The following GRIK4 variants were observed in gnomAD, a reference collection of about 807,000 sequenced individuals.
GRIK4 encodes glutamate ionotropic receptor kainate type subunit 4.
A neutral mutation model predicts 104.9 loss-of-function variants in GRIK4; 40 were observed. The ratio of observed to expected loss-of-function variants is 0.38; its 90% CI spans 0.30 to 0.50. GRIK4 has a LOEUF of 0.50. Ranked by LOEUF, GRIK4 falls within the 20% of genes least tolerant of loss-of-function variation. The pLI is 0.93. For synonymous variants in GRIK4, 485 were observed against 524.9 expected (o/e 0.92, Z 1.04); for missense variants, 1,047 against 1,308.1 (o/e 0.80, Z 3.08).
chr11:120,620,020 G>C (rs116217890), intron 1 of GRIK4: 2 of 524,630 alleles, frequency 3.8e-6, no homozygotes, highest in Non-Finnish European at 7.1e-6. Flanking sequence ...AGCTGTTAGC[G>C]TAGTGAACCT....
At chr11:120,862,936 G>A (rs1038942900) in intron 9 of GRIK4, among the ~76,000 whole-genome samples, 7 of 152,172 alleles carry the variant, frequency 4.6e-5, no homozygotes, top group Admixed American at 2.6e-4. Context: ...AACTTCCTGA[G>A]GCAGCTACTA....
intron 3 of GRIK4, among the ~76,000 whole-genome samples, chr11:120,695,848 T>C (rs543259225): frequency 6.6e-6 from 1 of 152,288 alleles, no homozygotes; most frequent in African/African-American, 2.4e-5. Context: ...CCCAACTGAG[T>C]GCAGCCTCTG....
chr11:120,550,762 G>T (rs1220128261), intron 1 of GRIK4, among the ~76,000 whole-genome samples: 4 of 151,884 alleles, frequency 2.6e-5, no homozygotes, highest in African/African-American at 9.7e-5. Flanking sequence ...CAACAGTGAG[G>T]TGGTCACTGG....
rs1249465695 is a variant in GRIK4 at position 120,966,173 on chromosome 11, AGGAGGACT to A, written c.2267-1019_2267-1012del. Among the ~76,000 whole-genome samples, 8 of 152,250 alleles carry A rather than the reference AGGAGGACT, an allele frequency of 5.3e-5. 1 individual carries two copies. The South Asian group carries it at 1.0e-3, about 20-fold the overall frequency. On this transcript the variant is annotated intron_variant, in intron 18 of 20. Coordinates refer to ENST00000527524, the MANE Select transcript of GRIK4 (RefSeq NM_014619.5). ...AAAAAAACCTTCTTTTGAGGAGGGA[AGGAGGACT>A]GGGAGAAACAGGGTGATGGACAGGC...
intron 3 of GRIK4, among the ~76,000 whole-genome samples, chr11:120,661,057 C>T (rs561631473): frequency 6.6e-6 from 1 of 152,160 alleles, no homozygotes; most frequent in Non-Finnish European, 1.5e-5. Flanking sequence ...TGGGACTGAA[C>T]AAGACTTGTC....
At chr11:120,928,168 C>G (rs1268914084) in intron 13 of GRIK4, among the ~76,000 whole-genome samples, 1 of 149,602 alleles carries the variant, frequency 6.7e-6, no homozygotes, top group Admixed American at 6.7e-5. Context: ...GAGCCGAGAT[C>G]GCACCACTGC....
Position 120,940,960 on chromosome 11 carries a change from C to T in GRIK4, c.1590+500C>T, listed in dbSNP as rs764282397. Among the ~76,000 whole-genome samples the T allele has an allele frequency of 6.6e-6, 1 of 152,172 alleles. No individual in the cohort carries two copies. Among genetic ancestry groups the T allele is most frequent in the African/African-American group, 2.4e-5 (1 of 41,430 alleles). On this transcript the variant is annotated intron_variant, in intron 14 of 20. Coordinates refer to ENST00000527524, the MANE Select transcript of GRIK4 (RefSeq NM_014619.5). This position sits in a 1 kb window ranked among gnomAD's most constrained non-coding sequence, Gnocchi z 4.3. ...CCTGCCCTTTTCTGCATTCCATGCCCCCATCAGAAAGACTCCTCTGGCTAG... is the reference window on the plus strand; with the variant it reads ...CCTGCCCTTTTCTGCATTCCATGCCTCCATCAGAAAGACTCCTCTGGCTAG...
intron 3 of GRIK4, among the ~76,000 whole-genome samples, chr11:120,694,455 A>G (rs1226789588): frequency 1.3e-5 from 2 of 152,196 alleles, no homozygotes; most frequent in African/African-American, 2.4e-5. Flanking sequence ...CAGAATCCCA[A>G]CAGCAAAAAG....
chr11:120,730,645 T>C (rs1217641433), intron 3 of GRIK4, among the ~76,000 whole-genome samples: 1 of 152,168 alleles, frequency 6.6e-6, no homozygotes, highest in Non-Finnish European at 1.5e-5. Flanking sequence ...CATCTGTAGA[T>C]GCTGTGGGTA....
At chr11:120,970,848 G>A (rs916494944) in intron 19 of GRIK4, among the ~76,000 whole-genome samples, 2 of 152,166 alleles carry the variant, frequency 1.3e-5, no homozygotes, top group Non-Finnish European at 2.9e-5. Context: ...TCACTAGGGT[G>A]GTTCTCTTCC....
intron 9 of GRIK4, chr11:120,872,053 A>G: frequency 5.2e-6 from 2 of 382,924 alleles, no homozygotes; most frequent in South Asian, 3.9e-5. Flanking sequence ...CTGGAGCCTT[A>G]CTTAGTTCAG....
rs1451069052 is a variant in GRIK4 at position 120,873,772 on chromosome 11, CAG to C, written c.907-288_907-287del. The C allele has an allele frequency of 2.0e-5, 5 of 254,854 alleles. No homozygotes were observed. In the Admixed American group the frequency reaches 2.7e-4, roughly 14 times the overall value. 15.8% of individuals were successfully genotyped at this position (254,854 alleles called of 1,614,324 possible). A position where few individuals can be genotyped will look rare whatever the true frequency, so the allele number is the denominator to read the frequency against. On this transcript the variant is annotated intron_variant, in intron 9 of 20. Transcript: ENST00000527524. Reference sequence around the variant, plus strand: ...GTGGCAGTTGCTTGTTTCCCTGGAGCAGAGAGAAAAGGGTACACTTGAAGTCA... The same window carrying C: ...GTGGCAGTTGCTTGTTTCCCTGGAGCAGAGAAAAGGGTACACTTGAAGTCA...
intron 3 of GRIK4, among the ~76,000 whole-genome samples, chr11:120,795,472 C>A (rs892968187): frequency 6.6e-6 from 1 of 152,208 alleles, no homozygotes; most frequent in Admixed American, 6.5e-5. Flanking sequence ...CCAGGCGCCA[C>A]GTCTACTACT....
At chr11:120,707,966 T>C (rs1267511210) in intron 3 of GRIK4, among the ~76,000 whole-genome samples, 1 of 152,148 alleles carries the variant, frequency 6.6e-6, no homozygotes. Flanking sequence ...ACGGAAGTCA[T>C]ATAGCATTAC....
At chr11:120,590,916 C>T (rs369176409) in intron 1 of GRIK4, among the ~76,000 whole-genome samples, 7 of 152,070 alleles carry the variant, frequency 4.6e-5, no homozygotes, top group East Asian at 1.9e-4. Flanking sequence ...AACGAATCCC[C>T]GGCTTCCATC....
intron 6 of GRIK4, among the ~76,000 whole-genome samples, chr11:120,831,122 A>C (rs1311522217): frequency 6.6e-6 from 1 of 152,050 alleles, no homozygotes; most frequent in Non-Finnish European, 1.5e-5. Flanking sequence ...TGCCTGCTGG[A>C]GTGCAGTTCA....
At chr11:120,915,782 T>C (rs1943093157) in intron 13 of GRIK4, among the ~76,000 whole-genome samples, 1 of 151,458 alleles carries the variant, frequency 6.6e-6, no homozygotes, top group South Asian at 2.1e-4. Context: ...AGACACCATG[T>C]AGAAGCTCTA....
intron 3 of GRIK4, among the ~76,000 whole-genome samples, chr11:120,724,392 ATTTGAGTTGTATCCAGTT>A (rs1950991547): frequency 6.6e-6 from 1 of 152,206 alleles, no homozygotes; most frequent in Admixed American, 6.5e-5. Flanking sequence ...GTTAAAGGAC[ATTTGAGTTGTATCCAGTT>A]CCTGGTGACC....
intron 3 of GRIK4, among the ~76,000 whole-genome samples, chr11:120,783,515 G>A (rs1952203955): frequency 6.6e-6 from 1 of 151,380 alleles, no homozygotes; most frequent in African/African-American, 2.4e-5. Flanking sequence ...CCATTTAACA[G>A]CCCATTATGA....
Sources: allele counts gnomAD v4.1 joint callset (sites outside exome capture counted in the v4.1 genomes callset), GRCh38; gene constraint gnomAD v4.1.1; non-coding constraint Gnocchi (gnomAD v3.1); transcripts MANE v1.5; gene names NCBI Gene and HGNC (gene_info 2026-07-23, HGNC 2026-07-21).